Variants in KCNMB2 observed in about 807,000 individuals in gnomAD.
KCNMB2 encodes the protein calcium-activated potassium channel subunit beta-2.
KCNMB2 carries 9 observed loss-of-function variants against 24.5 expected under a neutral mutation model. The observed-to-expected ratio is 0.37, with a 90% CI of 0.22 to 0.64. The LOEUF (loss-of-function observed/expected upper bound fraction) is 0.64, where lower values mean the gene tolerates loss of function less well. Among genes scored for constraint, KCNMB2 ranks in the 30% least tolerant of loss-of-function variants. The pLI is 0.63. For missense variants in KCNMB2, 226 were observed against 284.3 expected (o/e 0.79, Z 1.47); for synonymous variants, 109 against 104.4 (o/e 1.04, Z -0.27).
intron 1 of KCNMB2, among the ~76,000 whole-genome samples, chr3:178,635,868 G>T (rs1014798847): frequency 2.6e-5 from 4 of 152,110 alleles, no homozygotes; most frequent in African/African-American, 9.7e-5. Context: ...TTCAGTTCTT[G>T]TTCATTACCT....
chr3:178,723,608 T>C (rs1219861753), intron 1 of KCNMB2, among the ~76,000 whole-genome samples: 2 of 152,180 alleles, frequency 1.3e-5, no homozygotes, highest in Non-Finnish European at 2.9e-5. Context: ...ATATAGTACC[T>C]GATAGGTAGT....
chr3:178,639,260 A>G (rs898564014), intron 1 of KCNMB2, among the ~76,000 whole-genome samples: 1 of 152,190 alleles, frequency 6.6e-6, no homozygotes, highest in Non-Finnish European at 1.5e-5. Context: ...ATGAGATCAT[A>G]TCACTATTTT....
chr3:178,619,217 A>G (rs1284316657), intron 1 of KCNMB2, among the ~76,000 whole-genome samples: 1 of 152,138 alleles, frequency 6.6e-6, no homozygotes, highest in Non-Finnish European at 1.5e-5. Context: ...GGCCTTATAT[A>G]CTATCTTTCC....
intron 1 of KCNMB2, among the ~76,000 whole-genome samples, chr3:178,683,477 T>C (rs979624230): frequency 2.6e-5 from 4 of 152,118 alleles, no homozygotes; most frequent in African/African-American, 9.7e-5. Flanking sequence ...GAATCTAGGA[T>C]AAAAGTTGAA....
At chr3:178,749,778 G>C (rs1723783531) in intron 1 of KCNMB2, among the ~76,000 whole-genome samples, 1 of 152,212 alleles carries the variant, frequency 6.6e-6, no homozygotes, top group Non-Finnish European at 1.5e-5. Context: ...TTAGCAAGGG[G>C]TAAATGGGGT....
chr3:178,682,539 G>A (rs1402010941), intron 1 of KCNMB2, among the ~76,000 whole-genome samples: 4 of 152,080 alleles, frequency 2.6e-5, no homozygotes, highest in Admixed American at 2.0e-4. Flanking sequence ...AATGTGACTT[G>A]TATATGTAAT....
At chr3:178,568,850 TAGA>T (rs1560112423) in intron 1 of KCNMB2, among the ~76,000 whole-genome samples, 1 of 108,060 alleles carries the variant, frequency 9.3e-6, no homozygotes, top group African/African-American at 3.6e-5. Context: ...GATAGATAGA[TAGA>T]TGATAGATAG....
intron 2 of KCNMB2, among the ~76,000 whole-genome samples, chr3:178,815,646 G>A (rs374428820): frequency 6.6e-6 from 1 of 151,918 alleles, no homozygotes; most frequent in Non-Finnish European, 1.5e-5. Context: ...TCACCATTAA[G>A]TATCAAGTTT....
intron 2 of KCNMB2, among the ~76,000 whole-genome samples, chr3:178,812,766 T>C (rs1362490562): frequency 6.6e-6 from 1 of 152,176 alleles, no homozygotes; most frequent in African/African-American, 2.4e-5. Context: ...TACATGGATA[T>C]GTTTTTGAAT....
intron 1 of KCNMB2, among the ~76,000 whole-genome samples, chr3:178,557,329 G>GGTA (rs1048851908): frequency 4.6e-5 from 7 of 152,046 alleles, no homozygotes; most frequent in African/African-American, 1.7e-4. Context: ...CTGAGATGAG[G>GGTA]GTAGTATAGT....
At chr3:178,774,837 A>G (rs1712516035) in intron 1 of KCNMB2, among the ~76,000 whole-genome samples, 1 of 152,188 alleles carries the variant, frequency 6.6e-6, no homozygotes, top group African/African-American at 2.4e-5. Flanking sequence ...TTTAAATACC[A>G]TTTTAACACT....
At chr3:178,752,077 A>C (rs1723869847) in intron 1 of KCNMB2, among the ~76,000 whole-genome samples, 1 of 152,262 alleles carries the variant, frequency 6.6e-6, no homozygotes, top group African/African-American at 2.4e-5. Flanking sequence ...AGCCCTACAT[A>C]TTTAAAAAGC....
rs78648330 is a variant in KCNMB2, at chr3:178,753,574, G to A, written c.-67-53769G>A. ...GGTGAATGCTTTAAAATGGCCAAGG[G>A]AGTTATCAAAAAAAAGAGTTTCTCT... On this transcript the variant is annotated intron_variant, in intron 1 of 4. Coordinates refer to ENST00000452583, the MANE Select transcript of KCNMB2 (RefSeq NM_181361.3). Among the ~76,000 whole-genome samples, 1,384 of 152,028 alleles carry A rather than the reference G, an allele frequency of 9.1e-3. 9 individuals are homozygous for A. Among genetic ancestry groups the A allele is most frequent in the Non-Finnish European group, 0.015 (1,052 of 68,000 alleles).
chr3:178,602,681 A>C (rs754587209), intron 1 of KCNMB2, among the ~76,000 whole-genome samples: 1 of 152,012 alleles, frequency 6.6e-6, no homozygotes, highest in Non-Finnish European at 1.5e-5. Context: ...GCAGCTGGAG[A>C]GAGGAGGCAG....
chr3:178,769,266 A>G (rs953370487), intron 1 of KCNMB2, among the ~76,000 whole-genome samples: 2 of 152,186 alleles, frequency 1.3e-5, no homozygotes, highest in African/African-American at 4.8e-5. Context: ...TTTCAGGTTC[A>G]CTGAGAGTAT....
intron 1 of KCNMB2, among the ~76,000 whole-genome samples, chr3:178,715,356 T>G (rs1262955782): frequency 6.6e-6 from 1 of 151,340 alleles, no homozygotes. Flanking sequence ...TTGTTGTTTT[T>G]GTTTTTTGGT....
intron 1 of KCNMB2, among the ~76,000 whole-genome samples, chr3:178,725,546 T>C (rs1487561032): frequency 1.3e-5 from 2 of 152,086 alleles, no homozygotes; most frequent in African/African-American, 2.4e-5. Context: ...GTAGCATTTC[T>C]ATACACGTGA....
At chr3:178,579,238 A>G (rs1056808105) in intron 1 of KCNMB2, among the ~76,000 whole-genome samples, 1 of 152,210 alleles carries the variant, frequency 6.6e-6, no homozygotes, top group Non-Finnish European at 1.5e-5. Context: ...ACACAACTAC[A>G]TGGAAACTGA....
chr3:178,758,036 ATATATCTAGATATATAT>A, intron 1 of KCNMB2, among the ~76,000 whole-genome samples: 1 of 1,858 alleles, frequency 5.4e-4, no homozygotes, highest in Non-Finnish European at 1.3e-3. Flanking sequence ...GGATATATAT[ATATATCTAGATATATAT>A]ATATATCTCC....
Sources: gnomAD v4.1 joint callset for allele counts (sites outside exome capture counted in the v4.1 genomes callset) on GRCh38, gnomAD v4.1.1 for gene constraint, MANE v1.5 for transcripts, NCBI Gene and HGNC (gene_info 2026-07-23, HGNC 2026-07-21) for gene names.